Variants in MICALL1 observed in about 807,000 individuals in gnomAD.
MICALL1 encodes MICAL like 1.
In MICALL1, 61 loss-of-function variants were observed where a neutral mutation model predicts 83.7. The ratio of observed to expected loss-of-function variants is 0.73; its 90% CI spans 0.59 to 0.90. MICALL1 has a LOEUF of 0.90. MICALL1 is among the 40% of genes least tolerant of loss of function. The pLI, the probability that MICALL1 is intolerant of heterozygous loss-of-function variation, is 0.00. For missense variants in MICALL1, 1,066 were observed against 1,152.0 expected, an observed-to-expected ratio of 0.93 and a Z score of 1.08; for synonymous variants, 481 against 473.6, an observed-to-expected ratio of 1.02 and a Z score of -0.20.
intron 3 of MICALL1, 90 bp from the exon 4 acceptor site, chr22:37,917,617 C>A: frequency 8.4e-7 from 1 of 1,191,888 alleles, no homozygotes; most frequent in Non-Finnish European, 1.2e-6. Flanking sequence ...TAGGTGATGG[C>A]TACAGGTCTC....
chr22:37,934,667 G>A (rs990222848), intron 13 of MICALL1, among the ~76,000 whole-genome samples: 14 of 151,120 alleles, frequency 9.3e-5, no homozygotes, highest in Non-Finnish European at 1.8e-4. Context: ...CGCGATCTCG[G>A]CTCACTGCAA....
intron 3 of MICALL1, 87 bp from the exon 4 acceptor site, chr22:37,917,620 C>T (rs1264771103): frequency 2.1e-5 from 25 of 1,212,638 alleles, no homozygotes; most frequent in African/African-American, 3.0e-5. Context: ...GTGATGGCTA[C>T]AGGTCTCAAA....
Position 37,919,019 on chromosome 22 carries a change from C to A in MICALL1, c.427-17C>A, listed in dbSNP as rs764635347. Reference sequence around the variant, plus strand: ...ACCATGTCCTGCTCCCAACCTCCCCCACCTCGTTCTCTGCAGGGCGAGGAG... The same window carrying A: ...ACCATGTCCTGCTCCCAACCTCCCCAACCTCGTTCTCTGCAGGGCGAGGAG... On this transcript the variant is annotated splice_polypyrimidine_tract_variant and intron_variant, in intron 4 of 15. Coordinates refer to ENST00000215957, the MANE Select transcript of MICALL1 (RefSeq NM_033386.4). The A allele has an allele frequency of 4.6e-6, 7 of 1,535,170 alleles. 1 individual carries two copies. The Admixed American group carries it at 9.9e-5, about 22-fold the overall frequency.
Position 37,925,958 on chromosome 22 carries a change from GCACCCCTGGTACGGCAT to G in MICALL1, c.1388_1404del (p.Trp463TyrfsTer49), listed in dbSNP as rs1174373336. The G allele has an allele frequency of 6.2e-7, 1 of 1,613,736 alleles. No individual in the cohort carries two copies. Among genetic ancestry groups the G allele is most frequent in the Non-Finnish European group, 8.5e-7 (1 of 1,179,954 alleles). On this transcript the variant is annotated frameshift_variant, in exon 8 of 16. Coordinates refer to ENST00000215957, the MANE Select transcript of MICALL1 (RefSeq NM_033386.4). LOFTEE classifies it high-confidence loss of function. ...ACCCGGAGTCCACACCCAAGTCCCTGCACCCCTGGTACGGCATCACCCCTACCAGCAGCCCCAAGACA... is the reference window on the plus strand; with the variant it reads ...ACCCGGAGTCCACACCCAAGTCCCTGCACCCCTACCAGCAGCCCCAAGACA...
rs1185530214 is a variant in MICALL1, at chr22:37,937,614, G to A, written c.2424-132G>A. On this transcript the variant is annotated intron_variant, in intron 14 of 15. Coordinates refer to ENST00000215957, the MANE Select transcript of MICALL1 (RefSeq NM_033386.4). Reference sequence around the variant, plus strand: ...ACTTTTTGTATTTTTAGTAGAGATGGGGTTTCACCATGTTGGCTAGGCTGA... The same window carrying A: ...ACTTTTTGTATTTTTAGTAGAGATGAGGTTTCACCATGTTGGCTAGGCTGA... 2.2e-4 allele frequency: 181 copies of A among 808,740 alleles called. 1 individual carries two copies. Among genetic ancestry groups the A allele is most frequent in the Non-Finnish European group, 6.2e-5 (32 of 519,096 alleles). 50.1% of individuals were successfully genotyped at this position (808,740 alleles called of 1,614,324 possible). A position where few individuals can be genotyped will look rare whatever the true frequency, so the allele number is the denominator to read the frequency against.
intron 6 of MICALL1, among the ~76,000 whole-genome samples, chr22:37,922,799 T>TTTG (rs1228099275): frequency 7.3e-6 from 1 of 136,798 alleles, no homozygotes; most frequent in African/African-American, 2.8e-5. Flanking sequence ...TTTTTTTGTT[T>TTTG]TTTTTTTTTT....
At chr22:37,909,068 GT>G (rs944706401) in intron 1 of MICALL1, among the ~76,000 whole-genome samples, 8 of 149,182 alleles carry the variant, frequency 5.4e-5, no homozygotes, top group Non-Finnish European at 1.5e-5. Context: ...TTTTGTTTTT[GT>G]TTTTTTGAGA....
Position 37,927,484 on chromosome 22 carries a change from C to G in MICALL1, c.1539C>G (p.Ser513Arg), listed in dbSNP as rs1929526183. The change falls in exon 9 of 16, where the codon AGC becomes AGG. Residue 513 changes from serine to arginine, a missense_variant. Transcript: ENST00000215957. ...CATCGCCAGCGCTCAGCGTGGAGAG[C>G]CTGTCGTCTGAGAGCGCCAGCCAGA... The part of the protein sequence containing the change: ...ATPSPALSVE[S>R]LSSESASQTA... 1 of 1,611,580 alleles carries G rather than the reference C, an allele frequency of 6.2e-7. No homozygotes were observed. Among genetic ancestry groups the G allele is most frequent in the African/African-American group, 1.3e-5 (1 of 74,918 alleles).
In MICALL1 at chr22:37,936,706, C is replaced by G. The variant is rs528466032; in HGVS notation, c.2309-374C>G. On this transcript the variant is annotated intron_variant, in intron 13 of 15. Transcript: ENST00000215957. ...AGGAGATCGAGACCATCCTGGCCAA[C>G]ATGGTGAAACCCTGTCTCTACTAAA... Among the ~76,000 whole-genome samples the G allele has an allele frequency of 2.6e-5, 4 of 152,286 alleles. No homozygotes were observed. In the South Asian group the frequency reaches 8.3e-4, roughly 32 times the overall value.
At chr22:37,922,806 T>TG (rs1569141813) in intron 6 of MICALL1, among the ~76,000 whole-genome samples, 1 of 140,590 alleles carries the variant, frequency 7.1e-6, no homozygotes, top group African/African-American at 2.6e-5. Flanking sequence ...GTTTTTTTTT[T>TG]TTTTTTTTTT....
intron 7 of MICALL1, 107 bp from the exon 8 acceptor site, chr22:37,925,554 C>A (rs767685157): frequency 2.8e-6 from 2 of 707,568 alleles, no homozygotes; most frequent in Non-Finnish European, 4.8e-6. Context: ...AGGGAAACAG[C>A]CGTTTCTCAT....
At chr22:37,937,915 C>T (rs533379305) in intron 15 of MICALL1, 123 bp downstream of exon 15, 70 of 1,216,892 alleles carry the variant, frequency 5.8e-5, no homozygotes, top group African/African-American at 5.1e-4. Context: ...GCACAAACTC[C>T]GCAGCCTCTG....
At chr22:37,915,527 C>G (rs1928621318) in intron 3 of MICALL1, among the ~76,000 whole-genome samples, 2 of 152,170 alleles carry the variant, frequency 1.3e-5, no homozygotes. Flanking sequence ...TTTAACCACT[C>G]TGCCTCAGTT....
chr22:37,934,509 G>A (rs950184980), intron 13 of MICALL1, among the ~76,000 whole-genome samples: 1 of 152,002 alleles, frequency 6.6e-6, no homozygotes, highest in Non-Finnish European at 1.5e-5. Flanking sequence ...ATTTTGGCAA[G>A]GTGAGGCCAT....
At chr22:37,918,909 T>A (rs1928843100) in intron 4 of MICALL1, 127 bp from the exon 5 acceptor site, 1 of 1,208,088 alleles carries the variant, frequency 8.3e-7, no homozygotes, top group Non-Finnish European at 1.1e-6. Context: ...GAAGTCCATT[T>A]CCACCACGAA....
intron 15 of MICALL1, 160 bp downstream of exon 15, chr22:37,937,952 A>G (rs1431358158): frequency 2.3e-5 from 20 of 874,940 alleles, no homozygotes; most frequent in Non-Finnish European, 3.4e-5. Flanking sequence ...GTGTGTAGCA[A>G]GAGAGGCCAG....
intron 5 of MICALL1, among the ~76,000 whole-genome samples, chr22:37,920,155 G>A (rs1361967370): frequency 2.0e-5 from 3 of 151,966 alleles, no homozygotes; most frequent in Non-Finnish European, 2.9e-5. Context: ...GTAACAACTT[G>A]CTTTAAGTAT....
chr22:37,916,064 A>G (rs1928657209), intron 3 of MICALL1, among the ~76,000 whole-genome samples: 1 of 150,110 alleles, frequency 6.7e-6, no homozygotes, highest in African/African-American at 2.4e-5. Context: ...ATCTCTCTCT[A>G]CTGAGCTCAT....
Position 37,932,725 on chromosome 22 carries a change from G to A in MICALL1, c.2143+46G>A. 1.9e-6 allele frequency: 3 copies of A among 1,612,322 alleles called. No individual in the cohort carries two copies. The highest frequency in any genetic ancestry group is 2.5e-6 in the Non-Finnish European group (3 of 1,179,308). On this transcript the variant is annotated intron_variant, in intron 11 of 15. Transcript: ENST00000215957. This position sits in a 1 kb window ranked among gnomAD's most constrained non-coding sequence, Gnocchi z 4.4. ...GCCTGCTGGGTGGGGCTGGGGGCAG[G>A]AGCCTCTATTCCCCGGGGAACTGAG... is the stretch of plus-strand genomic sequence containing the variant.
Sources: allele counts gnomAD v4.1 joint callset (sites outside exome capture counted in the v4.1 genomes callset), GRCh38; gene constraint gnomAD v4.1.1; non-coding constraint Gnocchi (gnomAD v3.1); transcripts MANE v1.5; gene names NCBI Gene and HGNC (gene_info 2026-07-23, HGNC 2026-07-21).